EPB41L5: variants seen among roughly 807,000 people sequenced by gnomAD.
EPB41L5 encodes the protein band 4.1-like protein 5.
A neutral mutation model predicts 106.6 loss-of-function variants in EPB41L5; 55 were observed. That is an observed-to-expected ratio of 0.52 (90% CI 0.42 to 0.65). EPB41L5 has a LOEUF of 0.65. Among genes scored for constraint, EPB41L5 ranks in the 30% least tolerant of loss-of-function variants. The pLI, the probability that EPB41L5 is intolerant of heterozygous loss-of-function variation, is 0.00. For synonymous variants in EPB41L5, 297 were observed against 306.7 expected (o/e 0.97, Z 0.33); for missense variants, 871 against 882.1 (o/e 0.99, Z 0.16).
chr2:120,149,795 G>A (rs966974389), intron 20 of EPB41L5, among the ~76,000 whole-genome samples: 1 of 151,712 alleles, frequency 6.6e-6, no homozygotes. Flanking sequence ...TTAAGGAACT[G>A]CCAAACTGTT....
chr2:120,081,684 A>G (rs1327521456), intron 10 of EPB41L5, among the ~76,000 whole-genome samples: 4 of 152,180 alleles, frequency 2.6e-5, no homozygotes, highest in Non-Finnish European at 5.9e-5. Flanking sequence ...CATTGAATCT[A>G]TAAATTACCT....
intron 19 of EPB41L5, among the ~76,000 whole-genome samples, chr2:120,145,508 G>A (rs1686358030): frequency 6.6e-6 from 1 of 152,120 alleles, no homozygotes; most frequent in Non-Finnish European, 1.5e-5. Flanking sequence ...CTCAAATAAG[G>A]GTTTTTTCAT....
chr2:120,031,612 C>G (rs1376657951), intron 2 of EPB41L5, among the ~76,000 whole-genome samples: 1 of 152,086 alleles, frequency 6.6e-6, no homozygotes, highest in African/African-American at 2.4e-5. Flanking sequence ...TGAAAATAAA[C>G]AAGACATTGA....
intron 16 of EPB41L5, chr2:120,106,849 G>A: frequency 2.0e-6 from 2 of 984,824 alleles, no homozygotes; most frequent in Non-Finnish European, 2.4e-6. Context: ...TTCTGACCTT[G>A]ATAGGATAAT....
chr2:120,049,008 T>A (rs940916640), intron 3 of EPB41L5, among the ~76,000 whole-genome samples: 6 of 152,222 alleles, frequency 3.9e-5, no homozygotes, highest in Admixed American at 1.3e-4. Context: ...CTAGTTTGAT[T>A]GCACTGTGGT....
chr2:120,083,604 A>G (rs868259478), intron 10 of EPB41L5, among the ~76,000 whole-genome samples: 33 of 152,196 alleles, frequency 2.2e-4, no homozygotes, highest in African/African-American at 7.7e-4. Context: ...AGAGTTCTGT[A>G]GATGTCTTAT....
At chr2:120,131,816 A>G (rs1054817135) in intron 18 of EPB41L5, 101 bp downstream of exon 18, 25 of 857,342 alleles carry the variant, frequency 2.9e-5, no homozygotes, top group Non-Finnish European at 4.5e-5. Context: ...TAGCTGGGAA[A>G]TCTGTCTGTG....
chr2:120,046,860 A>G (rs958870216), intron 3 of EPB41L5, among the ~76,000 whole-genome samples: 5 of 152,024 alleles, frequency 3.3e-5, no homozygotes, highest in African/African-American at 9.7e-5. Context: ...AAGGGATCCA[A>G]TTTTAGCTTT....
intron 3 of EPB41L5, among the ~76,000 whole-genome samples, chr2:120,050,777 A>G (rs112453074): frequency 4.5e-4 from 69 of 152,126 alleles, no homozygotes; most frequent in African/African-American, 1.5e-3. Context: ...GTTTCTCCCT[A>G]TCTTTGTGGT....
At chr2:120,060,963 T>C (rs930822301) in intron 3 of EPB41L5, among the ~76,000 whole-genome samples, 2 of 150,804 alleles carry the variant, frequency 1.3e-5, no homozygotes, top group Admixed American at 6.6e-5. Context: ...CTCAAAAATA[T>C]ATATCTGTGC....
intron 20 of EPB41L5, among the ~76,000 whole-genome samples, chr2:120,157,815 A>T (rs1255602230): frequency 6.6e-6 from 1 of 151,882 alleles, no homozygotes; most frequent in Non-Finnish European, 1.5e-5. Context: ...AGATCAATGA[A>T]TCCAGGAGTT....
intron 3 of EPB41L5, among the ~76,000 whole-genome samples, chr2:120,047,974 C>T (rs62169105): frequency 0.69 from 104,560 of 151,322 alleles, 37,497 homozygotes; most frequent in Non-Finnish European, 0.79. Context: ...TATTGATTGG[C>T]ATATGTTGAA....
chr2:120,126,492 G>A (rs1203724181), intron 16 of EPB41L5, among the ~76,000 whole-genome samples: 1 of 152,140 alleles, frequency 6.6e-6, no homozygotes, highest in Non-Finnish European at 1.5e-5. Flanking sequence ...GTGTGAGGTA[G>A]GGTCTAAATG....
At chr2:120,103,987 T>A in intron 16 of EPB41L5, 2 of 1,427,138 alleles carry the variant, frequency 1.4e-6, no homozygotes, top group Non-Finnish European at 9.1e-7. Flanking sequence ...TCCCCTTTAT[T>A]GTCTCTTACA....
intron 11 of EPB41L5, among the ~76,000 whole-genome samples, chr2:120,087,820 ATC>A (rs10572566): frequency 0.26 from 39,032 of 152,004 alleles, 5,423 homozygotes; most frequent in African/African-American, 0.35. Flanking sequence ...GATCAAAAAG[ATC>A]TACCTAATAA....
rs556214049 is a variant in EPB41L5, at chr2:120,122,062, A to T, written c.1338-5626A>T. On this transcript the variant is annotated intron_variant, in intron 16 of 24. Coordinates refer to ENST00000263713, the MANE Select transcript of EPB41L5 (RefSeq NM_020909.4). ...GTAAATTTGTTTAAGTTCTTTGTAG[A>T]TTCTGGATATTAGCCCTTTGTCAGA... Among the ~76,000 whole-genome samples, 50 of 152,214 alleles carry T rather than the reference A, an allele frequency of 3.3e-4. No individual in the cohort carries two copies. The South Asian group carries it at 7.2e-3, about 22-fold the overall frequency.
At chr2:120,141,483 G>A (rs1686171529) in intron 18 of EPB41L5, among the ~76,000 whole-genome samples, 1 of 152,080 alleles carries the variant, frequency 6.6e-6, no homozygotes, top group Non-Finnish European at 1.5e-5. Context: ...GGCTAGGGTA[G>A]GGGACTAGAA....
rs35333671 is a variant in EPB41L5 at position 120,076,470 on chromosome 2, C to CTTTTTTT, written c.506-481_506-475dup. Among the ~76,000 whole-genome samples, 9 of 58,882 alleles carry CTTTTTTT rather than the reference C, an allele frequency of 1.5e-4. 1 individual carries two copies. In the East Asian group the frequency reaches 1.9e-3, roughly 12 times the overall value. 38.6% of individuals were successfully genotyped at this position (58,882 alleles called of 152,430 possible). On this transcript the variant is annotated intron_variant, in intron 7 of 24. Transcript: ENST00000263713. ...CCATTAGGCCTGGCTAATTTTTGTA[C>CTTTTTTT]TTTTTTTTTTTTTTTTTTTTTTTTT...
At chr2:120,142,586 G>T (rs1686223142) in intron 18 of EPB41L5, among the ~76,000 whole-genome samples, 1 of 152,122 alleles carries the variant, frequency 6.6e-6, no homozygotes, top group African/African-American at 2.4e-5. Context: ...GATTATTTTA[G>T]TAAATATTAG....
Sources: allele counts gnomAD v4.1 joint callset (sites outside exome capture counted in the v4.1 genomes callset), GRCh38; gene constraint gnomAD v4.1.1; transcripts MANE v1.5; gene names NCBI Gene and HGNC (gene_info 2026-07-23, HGNC 2026-07-21).